MEAK7: variants seen among roughly 807,000 people sequenced by gnomAD.
MEAK7 encodes MTOR associated protein MEAK7, also known as MTOR-associated protein MEAK7.
In MEAK7, 68 loss-of-function variants were observed where a neutral mutation model predicts 40.5. That is an observed-to-expected ratio of 1.68 (90% confidence interval 1.38 to 2.06). MEAK7 has a LOEUF of 2.06. Ranked by LOEUF, MEAK7 falls within the 30% of genes most tolerant of loss-of-function variation. The pLI, the probability that MEAK7 is intolerant of heterozygous loss-of-function variation, is 0.00. For synonymous variants in MEAK7, 338 were observed against 231.9 expected (o/e 1.46, Z -4.16); for missense variants, 918 against 580.5 (o/e 1.58, Z -5.98).
At chr16:84,494,022 T>C (rs1271411933) in intron 3 of MEAK7, among the ~76,000 whole-genome samples, 7 of 152,140 alleles carry the variant, frequency 4.6e-5, no homozygotes, top group African/African-American at 1.7e-4. Flanking sequence ...CTTGGAGCTT[T>C]TAGAAAGGTC....
At position 84,482,767 on chromosome 16, in the gene MEAK7, G is replaced by A. The variant is rs772073859; in HGVS notation, c.959-57C>T. The A allele has an allele frequency of 1.0e-4, 161 of 1,603,212 alleles. 1 individual carries two copies. The highest frequency in any genetic ancestry group is 1.7e-4 in the Admixed American group (10 of 58,312). On this transcript the variant is annotated intron_variant, in intron 5 of 7. Transcript: ENST00000343629. ...GTCGGTGTCTGAGCCGGTCCCACAG[G>A]GCCGGAAATGCCGGTAAGCTGCAGC...
At chr16:84,499,034 G>C (rs1048745009) in intron 1 of MEAK7, among the ~76,000 whole-genome samples, 4 of 152,202 alleles carry the variant, frequency 2.6e-5, no homozygotes, top group South Asian at 2.1e-4. Context: ...AAAGGGCCAA[G>C]ACCTGCCTGG....
chr16:84,501,105 GA>G lies in MEAK7; in HGVS notation c.-25-2995del, dbSNP rs35447624. On this transcript the variant is annotated intron_variant, in intron 1 of 7. Coordinates refer to ENST00000343629, the MANE Select transcript of MEAK7 (RefSeq NM_020947.4). Reference sequence around the variant, plus strand: ...GTTAGACTCGTCTCAAAAAAAAAAAGAAAAAAAAAAAAAAAAAAAAGAGGGG... The same window carrying G: ...GTTAGACTCGTCTCAAAAAAAAAAAGAAAAAAAAAAAAAAAAAAAGAGGGG... Among the ~76,000 whole-genome samples, 827 of 103,648 alleles carry G rather than the reference GA, an allele frequency of 8.0e-3. 6 individuals are homozygous for G. Among genetic ancestry groups the G allele is most frequent in the African/African-American group, 0.028 (738 of 26,066 alleles). The allele number at this position is 103,648 out of a possible 152,430, so 68.0% of individuals were successfully genotyped here.
At chr16:84,492,481 T>C (rs1395513782) in intron 3 of MEAK7, among the ~76,000 whole-genome samples, 1 of 152,058 alleles carries the variant, frequency 6.6e-6, no homozygotes, top group East Asian at 1.9e-4. Context: ...TTTTTACCCT[T>C]TTTTTCAAAA....
rs192673716 is a variant in MEAK7, at chr16:84,503,734, C to T, written c.-26+867G>A. Among the ~76,000 whole-genome samples the T allele has an allele frequency of 4.1e-4, 63 of 152,188 alleles. 1 individual carries two copies. Among genetic ancestry groups the T allele is most frequent in the African/African-American group, 1.4e-3 (57 of 41,508 alleles). ...GAGAAACTGCCCTGCTTGGAAGAAA[C>T]GGAAGGTTGCTCTGCCTCCGTGATG... On this transcript the variant is annotated intron_variant, in intron 1 of 7. Transcript: ENST00000343629.
intron 3 of MEAK7, 77 bp from the exon 4 acceptor site, chr16:84,489,499 G>A: frequency 4.0e-6 from 6 of 1,486,618 alleles, no homozygotes; most frequent in African/African-American, 1.4e-5. Flanking sequence ...ATGGAGAAGG[G>A]CAATTTTCTT....
intron 1 of MEAK7, among the ~76,000 whole-genome samples, chr16:84,503,749 C>A (rs146792433): frequency 2.0e-5 from 3 of 152,114 alleles, no homozygotes; most frequent in African/African-American, 7.2e-5. Flanking sequence ...GGTTGCTCTG[C>A]CTCCGTGATG....
At chr16:84,484,221 GCATCATTCCCA>G (rs1912836221) in intron 5 of MEAK7, among the ~76,000 whole-genome samples, 1 of 152,220 alleles carries the variant, frequency 6.6e-6, no homozygotes, top group Non-Finnish European at 1.5e-5. Flanking sequence ...GGAGGGGGAA[GCATCATTCCCA>G]GAATACAGGG....
intron 4 of MEAK7, chr16:84,487,743 G>T (rs946225029): frequency 6.6e-6 from 1 of 152,264 alleles, no homozygotes; most frequent in African/African-American, 2.4e-5. Flanking sequence ...CAGTAAGAGC[G>T]TGGGAGCACA....
At chr16:84,492,606 A>C (rs1913718520) in intron 3 of MEAK7, among the ~76,000 whole-genome samples, 1 of 43,154 alleles carries the variant, frequency 2.3e-5, no homozygotes. Context: ...TTTGGAGATG[A>C]AGTCTGACTC....
chr16:84,504,215 T>A, intron 1 of MEAK7: 1 of 953,364 alleles, frequency 1.0e-6, no homozygotes, highest in Non-Finnish European at 1.2e-6. Flanking sequence ...CACTTCAGTG[T>A]CTACCCCAGA....
At chr16:84,486,556 C>A (rs905060464) in intron 5 of MEAK7, 75 bp downstream of exon 5, 81 of 1,513,562 alleles carry the variant, frequency 5.4e-5, no homozygotes, top group Non-Finnish European at 4.1e-5. Context: ...ATTTAGCACC[C>A]CCACCCTCTC....
chr16:84,481,509 G>C (rs1284834817), intron 6 of MEAK7, among the ~76,000 whole-genome samples: 1 of 152,178 alleles, frequency 6.6e-6, no homozygotes, highest in Non-Finnish European at 1.5e-5. Flanking sequence ...GGTGTTCTAG[G>C]TGGCCTGGCC....
At chr16:84,493,665 T>C (rs1913811989) in intron 3 of MEAK7, among the ~76,000 whole-genome samples, 1 of 152,240 alleles carries the variant, frequency 6.6e-6, no homozygotes, top group African/African-American at 2.4e-5. Flanking sequence ...TTGGAAACTA[T>C]TTGTGAGTAT....
rs567337895 is a variant in MEAK7, at chr16:84,478,555, A to G, written c.*1358T>C. On this transcript the variant is annotated 3_prime_UTR_variant, in exon 8 of 8. Transcript: ENST00000343629. ...AGCAAAAGACAAAAGGAAGAGGTAT[A>G]TATCTTAGAGACAAGCTCACAGCAC... is the stretch of plus-strand genomic sequence containing the variant. 3.9e-5 allele frequency: 6 copies of G among 152,384 alleles called. No homozygotes were observed. The highest frequency in any genetic ancestry group is 1.9e-4 in the East Asian group (1 of 5,188). 9.4% of individuals were successfully genotyped at this position (152,384 alleles called of 1,614,324 possible).
At chr16:84,496,006 G>A in intron 2 of MEAK7, 93 bp from the exon 3 acceptor site, 1 of 1,362,282 alleles carries the variant, frequency 7.3e-7, no homozygotes, top group East Asian at 2.3e-5. Context: ...GAGAGGAAAA[G>A]GGGTCCTTGG....
chr16:84,495,996 G>C lies in MEAK7; in HGVS notation c.154-83C>G, dbSNP rs573833853. On this transcript the variant is annotated intron_variant, in intron 2 of 7. Coordinates refer to ENST00000343629, the MANE Select transcript of MEAK7 (RefSeq NM_020947.4). ...TAGGAGTTATTATTTTAGGCAGATA[G>C]AGAGGAAAAGGGGTCCTTGGGAAGT... The C allele has an allele frequency of 2.1e-6, 3 of 1,440,658 alleles. No homozygotes were observed. The African/African-American group carries it at 4.2e-5, about 20-fold the overall frequency. The allele number at this position is 1,440,658 out of a possible 1,614,324, so 89.2% of individuals were successfully genotyped here. A position where few individuals can be genotyped will look rare whatever the true frequency, so the allele number is the denominator to read the frequency against.
intron 7 of MEAK7, 56 bp downstream of exon 7, chr16:84,480,473 G>A (rs1912429330): frequency 1.3e-6 from 2 of 1,515,220 alleles, no homozygotes; most frequent in Admixed American, 2.2e-5. Flanking sequence ...AGAAAATGCA[G>A]AAAGGCCCCC....
rs112244417 is a variant in MEAK7 at position 84,482,529 on chromosome 16, G to C, written c.1077+63C>G. The stretch of plus-strand genomic sequence containing the variant: ...CCCTGATCTGTGGAGCTGAGCCTCG[G>C]GGTTGACACCTTTGCTGGGGGACAT... On this transcript the variant is annotated intron_variant, in intron 6 of 7. Coordinates refer to ENST00000343629, the MANE Select transcript of MEAK7 (RefSeq NM_020947.4). The C allele has an allele frequency of 1.9e-5, 30 of 1,612,498 alleles. No individual in the cohort carries two copies. The African/African-American group carries it at 2.8e-4, about 15-fold the overall frequency.
Sources: gnomAD v4.1 joint callset for allele counts (sites outside exome capture counted in the v4.1 genomes callset) on GRCh38, gnomAD v4.1.1 for gene constraint, MANE v1.5 for transcripts, NCBI Gene and HGNC (gene_info 2026-07-23, HGNC 2026-07-21) for gene names.